The following CREB5 variants were observed in gnomAD, a reference collection of about 807,000 sequenced individuals.
CREB5 encodes cAMP responsive element binding protein 5.
Under a neutral mutation model 57.1 loss-of-function variants are expected in CREB5, and 19 were observed. The ratio of observed to expected loss-of-function variants is 0.33; its 90% CI spans 0.23 to 0.49. CREB5 has a LOEUF of 0.49. CREB5 is among the 20% of genes least tolerant of loss of function. The probability of loss-of-function intolerance (pLI) is 0.99; values close to 1 mark genes in which losing one functional copy is unlikely to be tolerated. For missense variants in CREB5, 579 were observed against 671.6 expected (o/e 0.86, Z 1.52); for synonymous variants, 238 against 238.3 (o/e 1.00, Z 0.01).
intron 1 of CREB5, among the ~76,000 whole-genome samples, chr7:28,471,247 A>G (rs1290910047): frequency 6.6e-6 from 1 of 152,140 alleles, no homozygotes; most frequent in African/African-American, 2.4e-5. Context: ...TTTGATTTTT[A>G]CATATGATGA....
Position 28,756,815 on chromosome 7 carries a change from T to C in CREB5, c.702+32483T>C, listed in dbSNP as rs1027942717. Among the ~76,000 whole-genome samples the C allele has an allele frequency of 3.3e-5, 5 of 152,260 alleles. No individual in the cohort carries two copies. In the East Asian group the frequency reaches 7.7e-4, roughly 24 times the overall value. On this transcript the variant is annotated intron_variant, in intron 7 of 10. Coordinates refer to ENST00000357727, the MANE Select transcript of CREB5 (RefSeq NM_182898.4). ...TTTAACTAATGTTCAGAGACACTTA[T>C]TGGAAATTGACAACAGCAGGTTTTG...
At chr7:28,311,656 A>G (rs1785279395) in intron 1 of CREB5, among the ~76,000 whole-genome samples, 1 of 152,224 alleles carries the variant, frequency 6.6e-6, no homozygotes, top group African/African-American at 2.4e-5. Flanking sequence ...GTTAAGACAC[A>G]TTCCTTTAGA....
chr7:28,383,621 C>A (rs948036405), intron 1 of CREB5, among the ~76,000 whole-genome samples: 1 of 152,126 alleles, frequency 6.6e-6, no homozygotes. Flanking sequence ...CACTTTTAAA[C>A]AACAAGATCT....
chr7:28,554,268 C>T (rs570376543), intron 4 of CREB5, among the ~76,000 whole-genome samples: 201 of 152,314 alleles, frequency 1.3e-3, no homozygotes, highest in African/African-American at 4.7e-3. Flanking sequence ...TCTTTGGCCT[C>T]CACCTTCTTC....
At chr7:28,394,070 CAAAAAAAAAAAAAAAAAAAAAAAA>C (rs56166148) in intron 1 of CREB5, among the ~76,000 whole-genome samples, 8 of 53,014 alleles carry the variant, frequency 1.5e-4, no homozygotes, top group Admixed American at 2.6e-4. Context: ...GACTCTGTCT[CAAAAAAAAAAAAAAAAAAAAAAAA>C]AAAAAAAAAA....
At chr7:28,358,965 C>G (rs1018113985) in intron 1 of CREB5, among the ~76,000 whole-genome samples, 1 of 152,160 alleles carries the variant, frequency 6.6e-6, no homozygotes, top group Non-Finnish European at 1.5e-5. Flanking sequence ...TTCCTTCTTT[C>G]TTTTCCCCTC....
At chr7:28,318,535 A>G (rs1303669634) in intron 1 of CREB5, among the ~76,000 whole-genome samples, 1 of 152,254 alleles carries the variant, frequency 6.6e-6, no homozygotes, top group African/African-American at 2.4e-5. Context: ...AACAATACAC[A>G]TATTTCCAAC....
chr7:28,674,812 C>G (rs183838008), intron 5 of CREB5, among the ~76,000 whole-genome samples: 1 of 152,356 alleles, frequency 6.6e-6, no homozygotes, highest in Admixed American at 6.5e-5. Flanking sequence ...ATGCAATTTT[C>G]TTAAAATAAA....
chr7:28,513,139 G>A (rs895325927), intron 4 of CREB5, among the ~76,000 whole-genome samples: 10 of 152,216 alleles, frequency 6.6e-5, no homozygotes, highest in African/African-American at 2.4e-4. Flanking sequence ...GGAAGGAGAG[G>A]CACTTTGCCT....
intron 7 of CREB5, among the ~76,000 whole-genome samples, chr7:28,766,510 C>T (rs999608833): frequency 6.6e-6 from 1 of 152,254 alleles, no homozygotes; most frequent in African/African-American, 2.4e-5. Flanking sequence ...TTAAATTTCT[C>T]AACTGGTTCT....
intron 5 of CREB5, among the ~76,000 whole-genome samples, chr7:28,570,854 C>T (rs528692881): frequency 1.2e-4 from 18 of 152,092 alleles, no homozygotes; most frequent in South Asian, 4.2e-4. Context: ...GAGTATAGTG[C>T]GCAGAACAAA....
At chr7:28,749,663 C>G (rs1161992710) in intron 7 of CREB5, 1 of 152,192 alleles carries the variant, frequency 6.6e-6, no homozygotes, top group Non-Finnish European at 1.5e-5. Context: ...GGTTTTAAAT[C>G]AGTCATCTGC....
intron 5 of CREB5, among the ~76,000 whole-genome samples, chr7:28,680,657 G>A (rs1800541557): frequency 6.6e-6 from 1 of 151,868 alleles, no homozygotes; most frequent in Admixed American, 6.6e-5. Flanking sequence ...TACTCAGAAG[G>A]CCGAGGTGGG....
intron 5 of CREB5, among the ~76,000 whole-genome samples, chr7:28,599,194 TTTAAG>T (rs1371451066): frequency 7.2e-5 from 11 of 152,070 alleles, no homozygotes; most frequent in Non-Finnish European, 1.5e-4. Context: ...CCTCTCAAAG[TTTAAG>T]TTGATTTGAC....
At chr7:28,560,871 T>TGTGC (rs1795122895) in intron 4 of CREB5, among the ~76,000 whole-genome samples, 4 of 38,010 alleles carry the variant, frequency 1.1e-4, no homozygotes, top group Admixed American at 3.3e-4. Context: ...TGTGCCTGCG[T>TGTGC]GCGCGTGCGT....
At chr7:28,398,842 G>C (rs1787390138) in intron 1 of CREB5, among the ~76,000 whole-genome samples, 1 of 152,052 alleles carries the variant, frequency 6.6e-6, no homozygotes, top group Non-Finnish European at 1.5e-5. Context: ...CTCCCGAGCA[G>C]CTGGGACCAC....
intron 5 of CREB5, among the ~76,000 whole-genome samples, chr7:28,607,430 C>T (rs1227209459): frequency 6.6e-6 from 1 of 152,122 alleles, no homozygotes; most frequent in African/African-American, 2.4e-5. Context: ...GGCACTGGAA[C>T]GTGCAAATAC....
At chr7:28,346,461 G>A (rs538907705) in intron 1 of CREB5, among the ~76,000 whole-genome samples, 1 of 152,148 alleles carries the variant, frequency 6.6e-6, no homozygotes, top group East Asian at 1.9e-4. Context: ...ACTTCCCAAA[G>A]GTCCTGCCTC....
chr7:28,563,543 C>T (rs528733782), intron 4 of CREB5, among the ~76,000 whole-genome samples: 2 of 152,008 alleles, frequency 1.3e-5, no homozygotes, highest in African/African-American at 2.4e-5. Flanking sequence ...GAATTAACTG[C>T]GAGACAGGGT....
Sources: gnomAD v4.1 joint callset for allele counts (sites outside exome capture counted in the v4.1 genomes callset) on GRCh38, gnomAD v4.1.1 for gene constraint, MANE v1.5 for transcripts, NCBI Gene and HGNC (gene_info 2026-07-23, HGNC 2026-07-21) for gene names.